The following OTULINL variants were observed in gnomAD, a reference collection of about 807,000 sequenced individuals.
The protein encoded by OTULINL is inactive ubiquitin thioesterase OTULINL.
In OTULINL, 42 loss-of-function variants were observed where a neutral mutation model predicts 43.9. The observed-to-expected ratio is 0.96, with a 90% confidence interval of 0.75 to 1.24. The LOEUF (loss-of-function observed/expected upper bound fraction) is 1.24. Among genes scored for constraint, OTULINL ranks in the 50% most tolerant of loss-of-function variants. The pLI is 0.00. For missense variants in OTULINL, 411 were observed against 426.4 expected (o/e 0.96, Z 0.32); for synonymous variants, 172 against 153.6 (o/e 1.12, Z -0.88).
At chr5:14,583,218 G>A (rs116108111) in intron 1 of OTULINL, among the ~76,000 whole-genome samples, 1,767 of 152,296 alleles carry the variant, frequency 0.012, 28 homozygotes, top group African/African-American at 0.041. Flanking sequence ...TCATTCTGAT[G>A]TGTCCTCATC....
intron 5 of OTULINL, among the ~76,000 whole-genome samples, chr5:14,602,645 A>G (rs1013842211): frequency 2.0e-5 from 3 of 152,138 alleles, no homozygotes; most frequent in African/African-American, 7.2e-5. Context: ...CGTGTTGCCC[A>G]GGCTGGTCTT....
At position 14,600,932 on chromosome 5, in the gene OTULINL, C is replaced by CTTTTTTTTTTT. The variant is rs5866109; in HGVS notation, c.65-24_65-14dup. The CTTTTTTTTTTT allele has an allele frequency of 8.3e-6, 9 of 1,085,942 alleles. 1 individual carries two copies. Among genetic ancestry groups the CTTTTTTTTTTT allele is most frequent in the Admixed American group, 4.0e-5 (1 of 25,264 alleles). 67.3% of individuals were successfully genotyped at this position (1,085,942 alleles called of 1,614,324 possible). On this transcript the variant is annotated intron_variant, in intron 1 of 7. Coordinates refer to ENST00000274217, the MANE Select transcript of OTULINL (RefSeq NM_019018.3). ...AGCAAACTTGTGTAATTGTGATGTG[C>CTTTTTTTTTTT]TTTTTTTTTTTTTTTTTTTGTAATT...
intron 1 of OTULINL, among the ~76,000 whole-genome samples, chr5:14,586,714 A>ACC (rs1759106102): frequency 6.6e-6 from 1 of 152,084 alleles, no homozygotes; most frequent in Admixed American, 6.5e-5. Flanking sequence ...AGTGATAAAT[A>ACC]CCTCAGCTCT....
intron 1 of OTULINL, among the ~76,000 whole-genome samples, chr5:14,598,091 A>C (rs183588304): frequency 2.0e-5 from 3 of 152,132 alleles, no homozygotes; most frequent in Non-Finnish European, 2.9e-5. Flanking sequence ...TCTCACCTCA[A>C]ATTCCACAGG....
chr5:14,601,255 T>G lies in OTULINL; in HGVS notation c.256+11T>G. 1 of 1,610,724 alleles carries G rather than the reference T, an allele frequency of 6.2e-7. No homozygotes were observed. The highest frequency in any genetic ancestry group is 1.1e-5 in the South Asian group (1 of 90,514). Reference sequence around the variant, plus strand: ...AGAGAAAATTCAAAAGTAAATATTTTCATTCATTTATTTCTTTATTTTTAA... The same window carrying G: ...AGAGAAAATTCAAAAGTAAATATTTGCATTCATTTATTTCTTTATTTTTAA... On this transcript the variant is annotated intron_variant, in intron 3 of 7. Coordinates refer to ENST00000274217, the MANE Select transcript of OTULINL (RefSeq NM_019018.3).
intron 1 of OTULINL, among the ~76,000 whole-genome samples, chr5:14,584,751 A>G (rs760651775): frequency 5.3e-5 from 8 of 152,208 alleles, no homozygotes; most frequent in Non-Finnish European, 8.8e-5. Context: ...CCCACCTCCT[A>G]TGTAGATGTG....
At chr5:14,584,532 T>C (rs539471642) in intron 1 of OTULINL, among the ~76,000 whole-genome samples, 26 of 152,340 alleles carry the variant, frequency 1.7e-4, no homozygotes, top group African/African-American at 6.0e-4. Context: ...GTAAAAATAA[T>C]GGTAATGGCT....
chr5:14,584,045 A>G (rs1329426396), intron 1 of OTULINL, among the ~76,000 whole-genome samples: 1 of 152,244 alleles, frequency 6.6e-6, no homozygotes, highest in Non-Finnish European at 1.5e-5. Flanking sequence ...TTGGAAGATC[A>G]CTTAGTGGAG....
At chr5:14,586,797 A>T (rs151148599) in intron 1 of OTULINL, among the ~76,000 whole-genome samples, 2 of 152,266 alleles carry the variant, frequency 1.3e-5, no homozygotes, top group Admixed American at 6.5e-5. Context: ...GTGATAATGT[A>T]GTTGGAAGTC....
intron 5 of OTULINL, among the ~76,000 whole-genome samples, chr5:14,605,582 A>C (rs747271887): frequency 5.9e-5 from 9 of 152,098 alleles, no homozygotes; most frequent in African/African-American, 2.4e-5. Context: ...GAGGCTGCAC[A>C]TTTTCTGAAC....
Position 14,613,932 on chromosome 5 carries a change from C to A in OTULINL, c.*3618C>A, listed in dbSNP as rs1221706474. Among the ~76,000 whole-genome samples the A allele has an allele frequency of 6.6e-6, 1 of 152,060 alleles. No homozygotes were observed. Among genetic ancestry groups the A allele is most frequent in the African/African-American group, 2.4e-5 (1 of 41,390 alleles). On this transcript the variant is annotated 3_prime_UTR_variant, in exon 8 of 8. Transcript: ENST00000274217. ...TGAGTTTCTCCTATTTTAGTGAGACCAAAGAAAGACAATTTTAATTGTGTC... is the reference window on the plus strand; with the variant it reads ...TGAGTTTCTCCTATTTTAGTGAGACAAAAGAAAGACAATTTTAATTGTGTC...
At chr5:14,608,012 T>C (rs1283623477) in intron 6 of OTULINL, among the ~76,000 whole-genome samples, 1 of 152,220 alleles carries the variant, frequency 6.6e-6, no homozygotes, top group Non-Finnish European at 1.5e-5. Context: ...GAGGATTCAA[T>C]GACGTAATAC....
intron 5 of OTULINL, among the ~76,000 whole-genome samples, chr5:14,604,864 C>T (rs146109240): frequency 0.015 from 2,312 of 152,358 alleles, 58 homozygotes; most frequent in African/African-American, 0.053. Context: ...GTACAGCCTC[C>T]CTCCTGGCTG....
At chr5:14,609,053 A>T (rs1173196854) in intron 7 of OTULINL, 36 bp downstream of exon 7, 1 of 1,585,620 alleles carries the variant, frequency 6.3e-7, no homozygotes, top group Non-Finnish European at 8.6e-7. Context: ...TATTTGATTA[A>T]GGATGCTGTG....
intron 1 of OTULINL, among the ~76,000 whole-genome samples, chr5:14,596,221 C>T (rs1759285428): frequency 6.6e-6 from 1 of 152,096 alleles, no homozygotes. Flanking sequence ...TGACTGAATT[C>T]GTGGAGGTGA....
chr5:14,584,659 TA>T (rs1198921550), intron 1 of OTULINL, among the ~76,000 whole-genome samples: 1 of 152,216 alleles, frequency 6.6e-6, no homozygotes, highest in Non-Finnish European at 1.5e-5. Context: ...CTATTATTAA[TA>T]TTACCTTCTA....
At chr5:14,600,330 A>G (rs1759363257) in intron 1 of OTULINL, among the ~76,000 whole-genome samples, 1 of 152,228 alleles carries the variant, frequency 6.6e-6, no homozygotes, top group Non-Finnish European at 1.5e-5. Flanking sequence ...ACTGTGAGTC[A>G]ATTAAACCTC....
intron 7 of OTULINL, 66 bp from the exon 8 acceptor site, chr5:14,610,075 C>CACCG (rs1560969040): frequency 2.8e-6 from 4 of 1,414,038 alleles, no homozygotes; most frequent in Non-Finnish European, 4.0e-6. Context: ...ACACTTCCCC[C>CACCG]CACCGTGGCG....
intron 5 of OTULINL, 141 bp from the exon 6 acceptor site, chr5:14,607,189 C>T (rs978457258): frequency 2.0e-5 from 17 of 868,228 alleles, no homozygotes; most frequent in Non-Finnish European, 2.7e-5. Context: ...GAGATCACGC[C>T]ACTGCACTCC....
Sources: gnomAD v4.1 joint callset for allele counts (sites outside exome capture counted in the v4.1 genomes callset) on GRCh38, gnomAD v4.1.1 for gene constraint, MANE v1.5 for transcripts, NCBI Gene and HGNC (gene_info 2026-07-23, HGNC 2026-07-21) for gene names.